The following FBN1 variants were observed in gnomAD, a reference collection of about 807,000 sequenced individuals.
FBN1 encodes fibrillin 1.
In FBN1, 29 loss-of-function variants were observed where a neutral mutation model predicts 365.1. The ratio of observed to expected loss-of-function variants is 0.08; its 90% CI spans 0.06 to 0.11. FBN1 has a LOEUF of 0.11. FBN1 is among the 10% of genes least tolerant of loss of function. The pLI is 1.00. For synonymous variants in FBN1, 1,210 were observed against 1,270.5 expected (o/e 0.95, Z 1.01); for missense variants, 2,476 against 3,703.2 (o/e 0.67, Z 8.60).
chr15:48,486,471 C>A (rs1245039248), intron 29 of FBN1, among the ~76,000 whole-genome samples: 1 of 152,176 alleles, frequency 6.6e-6, no homozygotes, highest in African/African-American at 2.4e-5. Context: ...CTTCACAGCA[C>A]GACTAAACCT....
In FBN1 at chr15:48,613,083, G is replaced by T. The variant is rs369096927; in HGVS notation, c.174C>A (p.Val58=). The T allele has an allele frequency of 1.6e-5, 26 of 1,612,474 alleles. No individual in the cohort carries two copies. The highest frequency in any genetic ancestry group is 2.1e-5 in the Non-Finnish European group (25 of 1,178,954). The change falls in exon 3 of 66, where the codon GTC becomes GTA. Residue 58 remains valine, a synonymous_variant. Coordinates refer to ENST00000316623, the MANE Select transcript of FBN1 (RefSeq NM_000138.5). ...AGTAAGCATTATAACGTGATCCACA[G>T]ACATTGGGTCTAAAACAAAAACAGA... ...GGHDALKGPN[V]CGSRYNAYCC... is the part of the protein sequence containing the mutation.
chr15:48,609,141 T>C (rs764195382), intron 4 of FBN1, among the ~76,000 whole-genome samples: 7 of 152,348 alleles, frequency 4.6e-5, no homozygotes, highest in South Asian at 2.1e-4. Context: ...TGTTCCCAGA[T>C]GTGCTGCCAG....
chr15:48,596,462 C>CA lies in FBN1; in HGVS notation c.443-85dup, dbSNP rs2044516987. Reference sequence around the variant, plus strand: ...CACTTGTGGTCCTCTGGAAGGACAACAATAAAATGTCTAAAGTCACCCTGG... The same window carrying CA: ...CACTTGTGGTCCTCTGGAAGGACAACAAATAAAATGTCTAAAGTCACCCTGG... On this transcript the variant is annotated intron_variant, in intron 5 of 65. Transcript: ENST00000316623. 4 of 1,292,098 alleles carry CA rather than the reference C, an allele frequency of 3.1e-6. No homozygotes were observed. In the Admixed American group the frequency reaches 6.9e-5, roughly 22 times the overall value. 80.0% of individuals were successfully genotyped at this position (1,292,098 alleles called of 1,614,324 possible).
At chr15:48,583,899 G>A (rs1346956112) in intron 6 of FBN1, among the ~76,000 whole-genome samples, 1 of 152,124 alleles carries the variant, frequency 6.6e-6, no homozygotes, top group Non-Finnish European at 1.5e-5. Context: ...TCTTGATGTT[G>A]ACCTTTCTAT....
At chr15:48,585,964 A>G (rs1288856408) in intron 6 of FBN1, among the ~76,000 whole-genome samples, 1 of 152,250 alleles carries the variant, frequency 6.6e-6, no homozygotes, top group Non-Finnish European at 1.5e-5. Context: ...AAGCCATGAA[A>G]CAGAATTCTA....
chr15:48,426,097 T>C (rs957822723), intron 58 of FBN1, among the ~76,000 whole-genome samples: 16 of 152,280 alleles, frequency 1.1e-4, no homozygotes, highest in African/African-American at 3.6e-4. Context: ...ACAGAAAAAC[T>C]TTAAAAACAA....
intron 60 of FBN1, among the ~76,000 whole-genome samples, chr15:48,422,316 T>A (rs958977074): frequency 1.2e-4 from 18 of 152,166 alleles, no homozygotes; most frequent in Admixed American, 1.2e-3. Context: ...GAAAACACAA[T>A]TCTAATTGGA....
At chr15:48,521,072 G>C (rs1267101345) in intron 9 of FBN1, among the ~76,000 whole-genome samples, 1 of 152,160 alleles carries the variant, frequency 6.6e-6, no homozygotes, top group African/African-American at 2.4e-5. Context: ...AGGTGGGAAC[G>C]AGTGATTAAA....
At chr15:48,585,434 T>G (rs1019983980) in intron 6 of FBN1, among the ~76,000 whole-genome samples, 1 of 152,178 alleles carries the variant, frequency 6.6e-6, no homozygotes, top group African/African-American at 2.4e-5. Flanking sequence ...CTTCCTACAA[T>G]ATTTCAGTTA....
chr15:48,481,942 T>C (rs996059288), intron 31 of FBN1, among the ~76,000 whole-genome samples, 162 bp from the exon 32 acceptor site: 1 of 152,224 alleles, frequency 6.6e-6, no homozygotes, highest in Non-Finnish European at 1.5e-5. Context: ...TTGCTCTTCA[T>C]TCTTTACATT....
chr15:48,477,961 T>C (rs1009850336), intron 32 of FBN1, among the ~76,000 whole-genome samples: 1 of 152,164 alleles, frequency 6.6e-6, no homozygotes, highest in East Asian at 1.9e-4. Context: ...TGCAAGTATG[T>C]CATCCAAGTA....
rs766644140 is a variant in FBN1 at position 48,490,096 on chromosome 15, G to A, written c.2855-18C>T. 2 of 1,612,298 alleles carry A rather than the reference G, an allele frequency of 1.2e-6. No homozygotes were observed. Among genetic ancestry groups the A allele is most frequent in the Non-Finnish European group, 1.7e-6 (2 of 1,178,484 alleles). On this transcript the variant is annotated intron_variant, in intron 24 of 65. Coordinates refer to ENST00000316623, the MANE Select transcript of FBN1 (RefSeq NM_000138.5). ...GCGGATATCTGTCAGAGGGAATCAA[G>A]GGAGGTTAAATAGAGCCACACGGCT... is the stretch of plus-strand genomic sequence containing the variant.
intron 4 of FBN1, among the ~76,000 whole-genome samples, chr15:48,608,005 G>C (rs764555752): frequency 1.3e-5 from 2 of 152,208 alleles, no homozygotes; most frequent in African/African-American, 2.4e-5. Flanking sequence ...TTTTTGCCCT[G>C]GTGCTGAATG....
At chr15:48,463,567 G>T (rs964724212) in intron 41 of FBN1, among the ~76,000 whole-genome samples, 5 of 152,126 alleles carry the variant, frequency 3.3e-5, no homozygotes, top group African/African-American at 9.7e-5. Context: ...TAAGTTTCTC[G>T]TTTCCGACTC....
At chr15:48,518,803 A>G (rs182167048) in intron 10 of FBN1, among the ~76,000 whole-genome samples, 92 of 152,302 alleles carry the variant, frequency 6.0e-4, no homozygotes, top group African/African-American at 2.0e-3. Flanking sequence ...CACTCTCTGT[A>G]AGAGCCCAGA....
chr15:48,462,832 T>C (rs1364995331), intron 42 of FBN1, among the ~76,000 whole-genome samples: 2 of 152,204 alleles, frequency 1.3e-5, no homozygotes, highest in African/African-American at 4.8e-5. Context: ...TGTTTATAGT[T>C]TATATTTTTG....
At chr15:48,424,983 C>A (rs527434913) in intron 60 of FBN1, among the ~76,000 whole-genome samples, 1 of 152,180 alleles carries the variant, frequency 6.6e-6, no homozygotes, top group Non-Finnish European at 1.5e-5. Flanking sequence ...ACTGATTATT[C>A]CGAGGCAGGA....
In FBN1 at chr15:48,479,640, T is replaced by C. The variant is rs541866914; in HGVS notation, c.3964+2015A>G. Reference sequence around the variant, plus strand: ...GATTTGAAGAGGATCAAATGTTTCTTTGACTTCAAATCTATGTTCATGTGA... The same window carrying C: ...GATTTGAAGAGGATCAAATGTTTCTCTGACTTCAAATCTATGTTCATGTGA... On this transcript the variant is annotated intron_variant, in intron 32 of 65. Transcript: ENST00000316623. 4.6e-5 allele frequency among the ~76,000 whole-genome samples: 7 copies of C among 152,362 alleles called. 1 individual carries two copies. The highest frequency in any genetic ancestry group is 1.7e-4 in the African/African-American group (7 of 41,584).
At chr15:48,537,296 TTG>T (rs1244429774) in intron 7 of FBN1, among the ~76,000 whole-genome samples, 1 of 152,194 alleles carries the variant, frequency 6.6e-6, no homozygotes, top group African/African-American at 2.4e-5. Flanking sequence ...AAACCTTGCT[TTG>T]TGTTTCTACA....
Sources: allele counts gnomAD v4.1 joint callset (sites outside exome capture counted in the v4.1 genomes callset), GRCh38; gene constraint gnomAD v4.1.1; transcripts MANE v1.5; gene names NCBI Gene and HGNC (gene_info 2026-07-23, HGNC 2026-07-21).